The following OCA2 variants were observed in gnomAD, a reference collection of about 807,000 sequenced individuals.
OCA2 encodes OCA2 melanosomal transmembrane protein, also known as P protein.
In OCA2, 77 loss-of-function variants were observed where a neutral mutation model predicts 100.2. That is an observed-to-expected ratio of 0.77 (90% CI 0.64 to 0.93). OCA2 has a LOEUF of 0.93. Among genes scored for constraint, OCA2 ranks in the 40% least tolerant of loss-of-function variants. OCA2 has a pLI of 0.00. For missense variants in OCA2, 1,062 were observed against 1,089.1 expected, an observed-to-expected ratio of 0.98 and a Z score of 0.35; for synonymous variants, 432 against 439.2, an observed-to-expected ratio of 0.98 and a Z score of 0.21.
At chr15:27,934,754 T>G (rs2703956) in intron 18 of OCA2, among the ~76,000 whole-genome samples, 1 of 152,002 alleles carries the variant, frequency 6.6e-6, no homozygotes, top group East Asian at 1.9e-4. Context: ...AAACTCCTGC[T>G]ATAGCACTCA....
At chr15:27,829,805 A>G (rs985011383) in intron 23 of OCA2, among the ~76,000 whole-genome samples, 2 of 152,230 alleles carry the variant, frequency 1.3e-5, no homozygotes, top group African/African-American at 2.4e-5. Context: ...CAGAAGATAG[A>G]TAGTGCCTGG....
At chr15:27,938,318 C>CAGG (rs2039529008) in intron 18 of OCA2, among the ~76,000 whole-genome samples, 1 of 152,150 alleles carries the variant, frequency 6.6e-6, no homozygotes, top group African/African-American at 2.4e-5. Flanking sequence ...TGATGAGGGT[C>CAGG]AGGAGGTAGC....
At chr15:27,746,174 T>G in the OCA2 span, among the ~76,000 whole-genome samples, 1 of 152,176 alleles carries the variant, frequency 6.6e-6, no homozygotes, top group African/African-American at 2.4e-5. Context: ...TTAGAACTTT[T>G]TGGCTGGACG....
intron 2 of OCA2, among the ~76,000 whole-genome samples, chr15:28,081,380 G>A (rs1260638139): frequency 1.3e-5 from 2 of 152,042 alleles, no homozygotes; most frequent in Non-Finnish European, 2.9e-5. Flanking sequence ...CAGAATAATT[G>A]CAATACTTTA....
chr15:27,864,435 A>T (rs1278157622), intron 21 of OCA2, among the ~76,000 whole-genome samples: 1 of 152,324 alleles, frequency 6.6e-6, no homozygotes, highest in African/African-American at 2.4e-5. Flanking sequence ...TAAGTTTTTT[A>T]AAAAATTGTA....
chr15:27,859,614 C>T (rs111301675), intron 21 of OCA2, among the ~76,000 whole-genome samples: 143 of 152,260 alleles, frequency 9.4e-4, no homozygotes, highest in African/African-American at 3.4e-3. Flanking sequence ...TTAATACCAA[C>T]GTTCCAAAAA....
At chr15:27,960,905 CAAAAAAA>C in intron 15 of OCA2, among the ~76,000 whole-genome samples, 1 of 105,578 alleles carries the variant, frequency 9.5e-6, no homozygotes, top group South Asian at 3.5e-4. Flanking sequence ...GGCTCCATCT[CAAAAAAA>C]AAAAAAAAAA....
the OCA2 span, among the ~76,000 whole-genome samples, chr15:27,746,666 G>A: frequency 3.9e-5 from 6 of 152,132 alleles, no homozygotes; most frequent in African/African-American, 9.7e-5. Context: ...CACGACACTG[G>A]TCTTCAGATC....
At chr15:28,019,717 T>C (rs969001968) in intron 6 of OCA2, among the ~76,000 whole-genome samples, 1 of 152,086 alleles carries the variant, frequency 6.6e-6, no homozygotes, top group Admixed American at 6.5e-5. Flanking sequence ...AAGACAGCCC[T>C]GAGGACATTG....
intron 19 of OCA2, among the ~76,000 whole-genome samples, chr15:27,922,839 G>A (rs913561304): frequency 6.6e-6 from 1 of 151,834 alleles, no homozygotes; most frequent in Non-Finnish European, 1.5e-5. Context: ...AAGTCCAGGG[G>A]TACATGTGCA....
intron 18 of OCA2, among the ~76,000 whole-genome samples, chr15:27,945,256 G>T (rs2039791890): frequency 6.6e-6 from 1 of 152,156 alleles, no homozygotes; most frequent in South Asian, 2.1e-4. Flanking sequence ...CCGTCCACCT[G>T]CTCAGAATTT....
At chr15:28,065,090 G>C (rs996922326) in intron 2 of OCA2, among the ~76,000 whole-genome samples, 2 of 152,006 alleles carry the variant, frequency 1.3e-5, no homozygotes, top group African/African-American at 4.8e-5. Flanking sequence ...CAGAAAAAGA[G>C]AAAACACAAA....
chr15:27,797,011 C>T (rs1566970360), intron 23 of OCA2, among the ~76,000 whole-genome samples: 1 of 152,156 alleles, frequency 6.6e-6, no homozygotes, highest in Non-Finnish European at 1.5e-5. Flanking sequence ...CACGCAGGTA[C>T]AGTCACTGTC....
chr15:27,887,489 G>A (rs753454523), intron 19 of OCA2, among the ~76,000 whole-genome samples: 2 of 151,748 alleles, frequency 1.3e-5, no homozygotes, highest in African/African-American at 2.4e-5. Flanking sequence ...AGAGATACCA[G>A]TGACTGGACA....
intron 2 of OCA2, among the ~76,000 whole-genome samples, chr15:28,045,736 G>C (rs58182392): frequency 0.29 from 43,569 of 152,056 alleles, 9,041 homozygotes; most frequent in East Asian, 0.88. Flanking sequence ...CCAGGCTACA[G>C]TATTTTACAG....
At chr15:27,952,301 C>T (rs2040058163) in intron 17 of OCA2, among the ~76,000 whole-genome samples, 2 of 152,232 alleles carry the variant, frequency 1.3e-5, no homozygotes, top group Admixed American at 6.5e-5. Context: ...ATGTTCTTTA[C>T]ACGACATGCA....
chr15:27,956,163 A>C (rs2040216596), intron 16 of OCA2, among the ~76,000 whole-genome samples: 1 of 152,102 alleles, frequency 6.6e-6, no homozygotes, highest in Non-Finnish European at 1.5e-5. Flanking sequence ...CAGCCTGACC[A>C]ACACGGAGAA....
chr15:28,002,258 G>T (rs141273654), intron 9 of OCA2, among the ~76,000 whole-genome samples: 7 of 152,156 alleles, frequency 4.6e-5, no homozygotes, highest in Non-Finnish European at 8.8e-5. Flanking sequence ...TCTTTGGAAC[G>T]TAGAGGCTTG....
At chr15:28,072,589 C>CAAAAAA (rs760224063) in intron 2 of OCA2, among the ~76,000 whole-genome samples, 4 of 60,050 alleles carry the variant, frequency 6.7e-5, no homozygotes, top group East Asian at 3.6e-4. Flanking sequence ...GATTCCGTCT[C>CAAAAAA]AAAAAAAAAA....
Sources: gnomAD v4.1 joint callset for allele counts (sites outside exome capture counted in the v4.1 genomes callset) on GRCh38, gnomAD v4.1.1 for gene constraint, MANE v1.5 for transcripts, NCBI Gene and HGNC (gene_info 2026-07-23, HGNC 2026-07-21) for gene names.